Variants in TRIM13 observed in about 807,000 individuals in gnomAD.
TRIM13 encodes the protein tripartite motif containing 13.
Under a neutral mutation model 27.1 loss-of-function variants are expected in TRIM13, and 15 were observed. The ratio of observed to expected loss-of-function variants is 0.55; its 90% CI spans 0.37 to 0.85. The LOEUF (loss-of-function observed/expected upper bound fraction) is 0.85, where lower values mean the gene tolerates loss of function less well. TRIM13 is among the 40% of genes least tolerant of loss of function. TRIM13 has a pLI of 0.00. For synonymous variants in TRIM13, 193 were observed against 171.5 expected (o/e 1.13, Z -0.98); for missense variants, 402 against 472.2 (o/e 0.85, Z 1.38).
At position 50,014,344 on chromosome 13, in the gene TRIM13, A is replaced by AAAAAAAATAT. The variant is rs1555325057; in HGVS notation, c.*1181_*1182insAAAAAATATA. The AAAAAAAATAT allele has an allele frequency of 1.1e-3, 22 of 19,726 alleles. No homozygotes were observed. The highest frequency in any genetic ancestry group is 1.2e-3 in the Non-Finnish European group (15 of 12,098). The allele number at this position is 19,726 out of a possible 1,614,324, so 1.2% of individuals were successfully genotyped here. A position where few individuals can be genotyped will look rare whatever the true frequency, so the allele number is the denominator to read the frequency against. On this transcript the variant is annotated 3_prime_UTR_variant, in exon 2 of 2. Coordinates refer to ENST00000378182, the MANE Select transcript of TRIM13 (RefSeq NM_213590.3). ...AAAAAAAAAAAAAAAAAAAAAAAAA[A>AAAAAAAATAT]ATATATATATATATATACACACACA...
intron 1 of TRIM13, among the ~76,000 whole-genome samples, chr13:50,011,177 A>G (rs1352012455): frequency 6.6e-6 from 1 of 152,202 alleles, no homozygotes; most frequent in Non-Finnish European, 1.5e-5. Flanking sequence ...AAATGTTGAC[A>G]TGGTGCAAAA....
At position 50,015,495 on chromosome 13, in the gene TRIM13, T is replaced by A; in HGVS notation, c.*2331T>A. 6.2e-7 allele frequency: 1 copy of A among 1,602,358 alleles called. No homozygotes were observed. The highest frequency in any genetic ancestry group is 8.5e-7 in the Non-Finnish European group (1 of 1,173,218). ...CCTCTAGTTTGAAGTGAGGGAAGAA[T>A]GAGTAGTCAGGAACTGGTCACTTTG... On this transcript the variant is annotated 3_prime_UTR_variant, in exon 2 of 2. Coordinates refer to ENST00000378182, the MANE Select transcript of TRIM13 (RefSeq NM_213590.3).
At chr13:50,011,812 CTTTG>C (rs780178566) in intron 1 of TRIM13, 119 bp from the exon 2 acceptor site, 6 of 1,216,902 alleles carry the variant, frequency 4.9e-6, no homozygotes, top group East Asian at 4.8e-5. Flanking sequence ...TTTCTCACTA[CTTTG>C]TTTGGCTGGT....
At chr13:49,998,916 C>G (rs1385462340) in intron 1 of TRIM13, among the ~76,000 whole-genome samples, 2 of 139,828 alleles carry the variant, frequency 1.4e-5, no homozygotes, top group South Asian at 2.2e-4. Flanking sequence ...GGCAACAGAG[C>G]GAGACTCTAC....
chr13:50,009,736 CAAA>C (rs35561642), intron 1 of TRIM13, among the ~76,000 whole-genome samples: 18 of 101,198 alleles, frequency 1.8e-4, no homozygotes, highest in African/African-American at 4.9e-4. Context: ...GACTCCGTCT[CAAA>C]AAAAAAAAAA....
In TRIM13 at chr13:50,014,832, G is replaced by T. The variant is rs531394373; in HGVS notation, c.*1668G>T. 6.0e-6 allele frequency: 1 copy of T among 166,564 alleles called. No homozygotes were observed. Among genetic ancestry groups the T allele is most frequent in the East Asian group, 1.9e-4 (1 of 5,132 alleles). 10.3% of individuals were successfully genotyped at this position (166,564 alleles called of 1,614,324 possible). ...CCTCCTCTAATTTGGTTGAGAGGAG[G>T]TAATGAAAATGGGGACAGGATAAAA... On this transcript the variant is annotated 3_prime_UTR_variant, in exon 2 of 2. Transcript: ENST00000378182.
rs1201213610 is a variant in TRIM13 at position 50,012,343 on chromosome 13, T to G, written c.403T>G (p.Tyr135Asp). ...KHVFCSIEDA[Y>D]AQERDAFESL... ...TGTCTTCTGTTCTATTGAAGATGCC[T>G]ATGCTCAGGAAAGGGATGCCTTTGA... The change falls in exon 2 of 2, where the codon TAT becomes GAT. Residue 135 changes from tyrosine (Y) to aspartate (D), a missense_variant. Tyr to Asp is a radical substitution (Grantham distance 160). Transcript: ENST00000378182. The G allele has an allele frequency of 6.2e-7, 1 of 1,614,080 alleles. No individual in the cohort carries two copies. The highest frequency in any genetic ancestry group is 8.5e-7 in the Non-Finnish European group (1 of 1,180,026).
chr13:50,004,767 G>A (rs1476754232), intron 1 of TRIM13, among the ~76,000 whole-genome samples: 2 of 146,482 alleles, frequency 1.4e-5, no homozygotes, highest in African/African-American at 2.5e-5. Context: ...GTGACAGCCC[G>A]AGACCCTGTC....
Position 50,015,926 on chromosome 13 carries a change from G to A in TRIM13, c.*2762G>A. 2 of 1,614,094 alleles carry A rather than the reference G, an allele frequency of 1.2e-6. No individual in the cohort carries two copies. Among genetic ancestry groups the A allele is most frequent in the Non-Finnish European group, 1.7e-6 (2 of 1,179,982 alleles). ...AACAGGGAGGATTACAGTGTTTACAGAACAACCTTCAGCGCCGACCTGGAA... is the reference window on the plus strand; with the variant it reads ...AACAGGGAGGATTACAGTGTTTACAAAACAACCTTCAGCGCCGACCTGGAA... On this transcript the variant is annotated 3_prime_UTR_variant, in exon 2 of 2. Coordinates refer to ENST00000378182, the MANE Select transcript of TRIM13 (RefSeq NM_213590.3).
At chr13:50,009,880 GATC>G (rs1377895643) in intron 1 of TRIM13, among the ~76,000 whole-genome samples, 1 of 151,904 alleles carries the variant, frequency 6.6e-6, no homozygotes, top group Non-Finnish European at 1.5e-5. Flanking sequence ...AGTGAGCTAT[GATC>G]ATGCCAGTGC....
rs1193776488 is a variant in TRIM13 at position 50,014,920 on chromosome 13, T to C, written c.*1756T>C. On this transcript the variant is annotated 3_prime_UTR_variant, in exon 2 of 2. Coordinates refer to ENST00000378182, the MANE Select transcript of TRIM13 (RefSeq NM_213590.3). Reference sequence around the variant, plus strand: ...CCTTCTAGCTATGAGAATAGTCAAATTGAGCTTGCCAGGCTGTCTCATTCC... The same window carrying C: ...CCTTCTAGCTATGAGAATAGTCAAACTGAGCTTGCCAGGCTGTCTCATTCC... 6.0e-6 allele frequency: 1 copy of C among 166,204 alleles called. No homozygotes were observed. The highest frequency in any genetic ancestry group is 1.5e-5 in the Non-Finnish European group (1 of 67,964). The allele number at this position is 166,204 out of a possible 1,614,324, so 10.3% of individuals were successfully genotyped here. A position where few individuals can be genotyped will look rare whatever the true frequency, so the allele number is the denominator to read the frequency against.
intron 1 of TRIM13, among the ~76,000 whole-genome samples, chr13:50,006,899 G>A (rs1403656553): frequency 6.6e-6 from 1 of 152,124 alleles, no homozygotes; most frequent in African/African-American, 2.4e-5. Flanking sequence ...ACCATAAACT[G>A]GCTGGGCGTG....
intron 1 of TRIM13, among the ~76,000 whole-genome samples, chr13:50,006,934 A>T (rs1204090392): frequency 6.6e-6 from 1 of 151,368 alleles, no homozygotes; most frequent in East Asian, 2.0e-4. Flanking sequence ...TAATCCCAGC[A>T]CTCTGGGAGG....
intron 1 of TRIM13, among the ~76,000 whole-genome samples, chr13:49,999,858 C>A (rs1873809918): frequency 6.6e-6 from 1 of 152,132 alleles, no homozygotes; most frequent in Non-Finnish European, 1.5e-5. Flanking sequence ...AATAAGAATA[C>A]TGAGTTCTTG....
chr13:50,006,102 T>C (rs1036701971), intron 1 of TRIM13, among the ~76,000 whole-genome samples: 7 of 152,094 alleles, frequency 4.6e-5, no homozygotes, highest in African/African-American at 1.4e-4. Context: ...AAAATGAAAT[T>C]AGAGGATCTA....
chr13:50,013,736 C>T lies in TRIM13; in HGVS notation c.*572C>T, dbSNP rs1566443787. On this transcript the variant is annotated 3_prime_UTR_variant, in exon 2 of 2. Coordinates refer to ENST00000378182, the MANE Select transcript of TRIM13 (RefSeq NM_213590.3). ...ACAGGGTTTCACTGTCCCTTAAGAC[C>T]ATCCTGTTAGCCAAGATGGTCTTGA... is the stretch of plus-strand genomic sequence containing the variant. 6.0e-6 allele frequency: 1 copy of T among 166,300 alleles called. No individual in the cohort carries two copies. Among genetic ancestry groups the T allele is most frequent in the Non-Finnish European group, 1.5e-5 (1 of 68,166 alleles). The allele number at this position is 166,300 out of a possible 1,614,324, so 10.3% of individuals were successfully genotyped here.
intron 1 of TRIM13, among the ~76,000 whole-genome samples, chr13:50,009,058 C>CT (rs2138396599): frequency 7.0e-6 from 1 of 142,272 alleles, no homozygotes; most frequent in African/African-American, 2.6e-5. Context: ...ATCCCAAGAA[C>CT]TTTATGTTTG....
In TRIM13 at chr13:50,017,891, G is replaced by A. The variant is rs898875135; in HGVS notation, c.*4727G>A. On this transcript the variant is annotated 3_prime_UTR_variant, in exon 2 of 2. Transcript: ENST00000378182. ...CCTAATTGGTGCCTAATTGTCTGGT[G>A]TATCATTCACTTTATTCAGTTTGTT... 6.0e-6 allele frequency: 1 copy of A among 167,064 alleles called. No homozygotes were observed. The highest frequency in any genetic ancestry group is 1.5e-5 in the Non-Finnish European group (1 of 68,110). 10.3% of individuals were successfully genotyped at this position (167,064 alleles called of 1,614,324 possible).
At chr13:50,007,431 C>T in intron 1 of TRIM13, among the ~76,000 whole-genome samples, 1 of 144,498 alleles carries the variant, frequency 6.9e-6, no homozygotes, top group Non-Finnish European at 1.5e-5. Flanking sequence ...GCAGAGATTG[C>T]AGTGAGCCGA....
Sources: gnomAD v4.1 joint callset for allele counts (sites outside exome capture counted in the v4.1 genomes callset) on GRCh38, gnomAD v4.1.1 for gene constraint, MANE v1.5 for transcripts, NCBI Gene and HGNC (gene_info 2026-07-23, HGNC 2026-07-21) for gene names.